ATP9B: variants seen among roughly 807,000 people sequenced by gnomAD.
The protein encoded by ATP9B is ATPase phospholipid transporting 9B.
A neutral mutation model predicts 146.1 loss-of-function variants in ATP9B; 110 were observed. The ratio of observed to expected loss-of-function variants is 0.75; its 90% CI spans 0.65 to 0.88. The LOEUF is 0.88. Ranked by LOEUF, ATP9B falls within the 40% of genes least tolerant of loss-of-function variation. ATP9B has a pLI of 0.00. For synonymous variants in ATP9B, 604 were observed against 569.7 expected, an observed-to-expected ratio of 1.06 and a Z score of -0.86; for missense variants, 1,499 against 1,496.4, an observed-to-expected ratio of 1.00 and a Z score of -0.03.
Position 79,372,892 on chromosome 18 carries a change from G to T in ATP9B, c.3070+10G>T. On this transcript the variant is annotated intron_variant, in intron 27 of 29. Coordinates refer to ENST00000426216, the MANE Select transcript of ATP9B (RefSeq NM_198531.5). ...ATAAGTATTTACCAAGGTAAGACGA[G>T]ATCCTTAGTTTACTGGACTAAAGAT... The T allele has an allele frequency of 6.3e-7, 1 of 1,591,512 alleles. No homozygotes were observed. The highest frequency in any genetic ancestry group is 1.3e-5 in the African/African-American group (1 of 74,550).
chr18:79,320,286 A>C (rs1469538621), intron 15 of ATP9B, among the ~76,000 whole-genome samples: 2 of 152,166 alleles, frequency 1.3e-5, no homozygotes, highest in African/African-American at 4.8e-5. Flanking sequence ...TGGTCCCTAG[A>C]ACGCAGCGGA....
At chr18:79,113,599 G>C (rs553575829) in intron 4 of ATP9B, among the ~76,000 whole-genome samples, 5 of 152,290 alleles carry the variant, frequency 3.3e-5, no homozygotes, top group African/African-American at 1.2e-4. Flanking sequence ...CAGCAGAGGG[G>C]TTTTCCTTGG....
At chr18:79,372,085 C>T (rs950984183) in intron 26 of ATP9B, among the ~76,000 whole-genome samples, 16 of 152,200 alleles carry the variant, frequency 1.1e-4, no homozygotes, top group Admixed American at 3.3e-4. Context: ...ACCAACAAGT[C>T]AGGGCGATTG....
chr18:79,143,931 C>T, intron 6 of ATP9B, 71 bp downstream of exon 6: 2 of 924,830 alleles, frequency 2.2e-6, no homozygotes, highest in Non-Finnish European at 3.2e-6. Flanking sequence ...TTATAAGTAA[C>T]TTCTGAATTT....
At chr18:79,199,235 G>A (rs1414296111) in intron 9 of ATP9B, among the ~76,000 whole-genome samples, 2 of 152,000 alleles carry the variant, frequency 1.3e-5, no homozygotes, top group African/African-American at 4.8e-5. Flanking sequence ...ACAGGCATGA[G>A]CCTGTAAACT....
chr18:79,328,158 C>T (rs1190750551), intron 15 of ATP9B, among the ~76,000 whole-genome samples: 1 of 152,034 alleles, frequency 6.6e-6, no homozygotes, highest in African/African-American at 2.4e-5. Context: ...TTAGCGTGCT[C>T]TCCGTGGTTA....
At chr18:79,303,840 C>T in intron 14 of ATP9B, 124 bp downstream of exon 14, 1 of 581,818 alleles carries the variant, frequency 1.7e-6, no homozygotes, top group Non-Finnish European at 3.0e-6. Flanking sequence ...CATCCTGCTA[C>T]TTCAGTCGTC....
At chr18:79,353,631 T>G (rs2096934190) in intron 25 of ATP9B, 1 of 152,094 alleles carries the variant, frequency 6.6e-6, no homozygotes, top group South Asian at 2.1e-4. Flanking sequence ...TATGTGAGAC[T>G]CAACGGCAGC....
intron 26 of ATP9B, among the ~76,000 whole-genome samples, chr18:79,372,051 T>C (rs7230630): frequency 0.5 from 75,055 of 151,296 alleles, 18,873 homozygotes; most frequent in East Asian, 0.7. Flanking sequence ...TCTCAACACG[T>C]GTCACTTTCG....
At chr18:79,181,367 G>A (rs2095250556) in intron 8 of ATP9B, among the ~76,000 whole-genome samples, 1 of 152,062 alleles carries the variant, frequency 6.6e-6, no homozygotes, top group African/African-American at 2.4e-5. Flanking sequence ...CTTGTATCTG[G>A]AGTTTCATGG....
intron 26 of ATP9B, 181 bp downstream of exon 26, chr18:79,359,643 T>TTTTG: frequency 1.7e-6 from 1 of 587,046 alleles, no homozygotes; most frequent in South Asian, 2.0e-5. Context: ...TGAGTTAAAC[T>TTTTG]TCAAAAGGGG....
intron 9 of ATP9B, among the ~76,000 whole-genome samples, chr18:79,195,139 A>G (rs944539699): frequency 2.0e-5 from 3 of 152,210 alleles, no homozygotes; most frequent in South Asian, 4.1e-4. Context: ...TTGAAGACAT[A>G]GAACTTCATT....
intron 25 of ATP9B, among the ~76,000 whole-genome samples, chr18:79,358,132 C>T (rs71366524): frequency 1.3e-3 from 1 of 768 alleles, no homozygotes; most frequent in Non-Finnish European, 2.0e-3. Flanking sequence ...TGGAGGTGTC[C>T]GTGTGAGGGA....
intron 5 of ATP9B, among the ~76,000 whole-genome samples, chr18:79,136,803 C>CA (rs1374694764): frequency 6.6e-6 from 1 of 152,142 alleles, no homozygotes; most frequent in Non-Finnish European, 1.5e-5. Flanking sequence ...TTAATTGACT[C>CA]ACAGTTCAGC....
At chr18:79,234,407 T>TA (rs1253860001) in intron 11 of ATP9B, among the ~76,000 whole-genome samples, 4 of 152,244 alleles carry the variant, frequency 2.6e-5, no homozygotes, top group Admixed American at 2.6e-4. Flanking sequence ...CACACACATT[T>TA]ACACCCGTGC....
chr18:79,365,136 A>T (rs566550331), intron 26 of ATP9B, among the ~76,000 whole-genome samples: 1 of 152,252 alleles, frequency 6.6e-6, no homozygotes, highest in African/African-American at 2.4e-5. Flanking sequence ...AGTTGTTTCT[A>T]TAGTATATAA....
intron 15 of ATP9B, among the ~76,000 whole-genome samples, chr18:79,308,713 T>TCTGA (rs1568637063): frequency 8.2e-5 from 1 of 12,126 alleles, no homozygotes; most frequent in African/African-American, 2.9e-4. Flanking sequence ...TCAGGGGTGG[T>TCTGA]GGAGTGATCC....
chr18:79,083,010 A>C (rs1568379789), intron 1 of ATP9B, among the ~76,000 whole-genome samples: 1 of 152,140 alleles, frequency 6.6e-6, no homozygotes, highest in South Asian at 2.1e-4. Context: ...CCCACAACCT[A>C]CCCTTCCCCC....
chr18:79,314,153 A>G (rs1177096149), intron 15 of ATP9B, among the ~76,000 whole-genome samples: 1 of 152,228 alleles, frequency 6.6e-6, no homozygotes. Flanking sequence ...GCTCTGACCT[A>G]TCACAACATC....
Sources: gnomAD v4.1 joint callset for allele counts (sites outside exome capture counted in the v4.1 genomes callset) on GRCh38, gnomAD v4.1.1 for gene constraint, MANE v1.5 for transcripts, NCBI Gene and HGNC (gene_info 2026-07-23, HGNC 2026-07-21) for gene names.